The following FAM135B variants were observed in gnomAD, a reference collection of about 807,000 sequenced individuals.
The protein encoded by FAM135B is protein FAM135B.
Under a neutral mutation model 127.7 loss-of-function variants are expected in FAM135B, and 43 were observed. The observed-to-expected ratio is 0.34, with a 90% CI of 0.26 to 0.43. FAM135B has a LOEUF of 0.43. Ranked by LOEUF, FAM135B falls within the 20% of genes least tolerant of loss-of-function variation. The pLI, the probability that FAM135B is intolerant of heterozygous loss-of-function variation, is 1.00. For missense variants in FAM135B, 1,558 were observed against 1,725.6 expected (o/e 0.90, Z 1.72); for synonymous variants, 670 against 665.1 (o/e 1.01, Z -0.11).
At chr8:138,306,925 T>C (rs551987470) in intron 3 of FAM135B, among the ~76,000 whole-genome samples, 1 of 152,266 alleles carries the variant, frequency 6.6e-6, no homozygotes, top group East Asian at 1.9e-4. Flanking sequence ...GACACAGAGA[T>C]TAGCAAATGC....
chr8:138,221,553 A>G (rs752192939), intron 7 of FAM135B, among the ~76,000 whole-genome samples: 7 of 152,222 alleles, frequency 4.6e-5, no homozygotes, highest in Non-Finnish European at 8.8e-5. Context: ...TAGGTGGGCT[A>G]GAGTTCACAG....
chr8:138,495,917 G>A (rs1246118883), intron 1 of FAM135B, among the ~76,000 whole-genome samples: 1 of 152,178 alleles, frequency 6.6e-6, no homozygotes, highest in Non-Finnish European at 1.5e-5. Flanking sequence ...AGTGGCCAAG[G>A]AGCAAGGATT....
intron 12 of FAM135B, among the ~76,000 whole-genome samples, chr8:138,157,249 C>G (rs553260215): frequency 6.6e-6 from 1 of 152,170 alleles, no homozygotes; most frequent in African/African-American, 2.4e-5. Flanking sequence ...TTCAACAGCA[C>G]TTCATGCTAA....
intron 1 of FAM135B, among the ~76,000 whole-genome samples, chr8:138,445,234 G>A (rs1836060099): frequency 6.6e-6 from 1 of 152,178 alleles, no homozygotes. Context: ...ACAAGAAGGA[G>A]CTGGTACCAT....
At position 138,152,431 on chromosome 8, in the gene FAM135B, T is replaced by C. The variant is rs369394840; in HGVS notation, c.2044A>G (p.Ile682Val). The stretch of plus-strand genomic sequence containing the variant: ...CTCTCAATGCCTGAATCAGATATGA[T>C]GGATGAAGATCTCTTGATGACCCCG... Reference protein sequence around the residue: ...LSGVIKRSSSIISDSGIESEP... With the variant: ...LSGVIKRSSSVISDSGIESEP... The change falls in exon 13 of 20, where the codon ATC becomes GTC. Residue 682 changes from isoleucine to valine, a missense_variant. Around this residue, in one of 5 missense-constraint regions of FAM135B, gnomAD observed 923 missense variants for 865.3 expected, o/e 1.07. Coordinates refer to ENST00000395297, the MANE Select transcript of FAM135B (RefSeq NM_015912.4). 1.1e-3 allele frequency: 1,845 copies of C among 1,614,194 alleles called. 31 individuals carry two copies. In the South Asian group the frequency reaches 0.019, roughly 17 times the overall value.
intron 1 of FAM135B, among the ~76,000 whole-genome samples, chr8:138,427,100 AC>A (rs1834930997): frequency 6.6e-6 from 1 of 151,932 alleles, no homozygotes; most frequent in Admixed American, 6.6e-5. Context: ...AATAGTCAAA[AC>A]TAACCTATGG....
intron 1 of FAM135B, among the ~76,000 whole-genome samples, chr8:138,432,959 G>T (rs1441604494): frequency 6.6e-6 from 1 of 152,084 alleles, no homozygotes; most frequent in Non-Finnish European, 1.5e-5. Flanking sequence ...ATGGAACATT[G>T]TCCATCCAAA....
chr8:138,439,293 GA>G (rs1835632236), intron 1 of FAM135B: 2 of 152,150 alleles, frequency 1.3e-5, no homozygotes, highest in South Asian at 4.1e-4. Flanking sequence ...CAATATGAGA[GA>G]ATCATAGCAC....
At chr8:138,486,067 G>A (rs1814972608) in intron 1 of FAM135B, among the ~76,000 whole-genome samples, 3 of 151,948 alleles carry the variant, frequency 2.0e-5, no homozygotes, top group Admixed American at 2.0e-4. Flanking sequence ...AGTGAGTGGA[G>A]AGTAATGTGT....
In FAM135B at chr8:138,131,699, A is replaced by G. The variant is rs6983594; in HGVS notation, c.*894T>C. On this transcript the variant is annotated 3_prime_UTR_variant, in exon 20 of 20. Coordinates refer to ENST00000395297, the MANE Select transcript of FAM135B (RefSeq NM_015912.4). ...GGATTTAATTTTTTGCAATTGCATC[A>G]AATGCTAACATAGCATGTCTTTGGA... is the stretch of plus-strand genomic sequence containing the variant. 123,910 of 152,580 alleles carry G rather than the reference A, an allele frequency of 0.81. 50,637 individuals carry two copies. The highest frequency in any genetic ancestry group is 1 in the East Asian group (5,154 of 5,164). The allele number at this position is 152,580 out of a possible 1,614,324, so 9.5% of individuals were successfully genotyped here. A position where few individuals can be genotyped will look rare whatever the true frequency, so the allele number is the denominator to read the frequency against.
chr8:138,216,721 T>C (rs907188310), intron 7 of FAM135B, among the ~76,000 whole-genome samples: 5 of 152,212 alleles, frequency 3.3e-5, no homozygotes, highest in African/African-American at 9.6e-5. Flanking sequence ...GAGCCAGTGA[T>C]GGGTTGCTCA....
intron 3 of FAM135B, 93 bp downstream of exon 3, chr8:138,310,748 T>A: frequency 8.8e-7 from 1 of 1,139,068 alleles, no homozygotes; most frequent in South Asian, 1.5e-5. Flanking sequence ...TGAGTATGTC[T>A]ACATGCCTTG....
intron 7 of FAM135B, among the ~76,000 whole-genome samples, chr8:138,237,168 T>C (rs926124535): frequency 6.7e-6 from 1 of 148,174 alleles, no homozygotes; most frequent in African/African-American, 2.5e-5. Flanking sequence ...TTTTTTTTTT[T>C]TTTTTTGTTG....
At chr8:138,290,981 G>A (rs1012228919) in intron 3 of FAM135B, among the ~76,000 whole-genome samples, 5 of 152,154 alleles carry the variant, frequency 3.3e-5, no homozygotes, top group African/African-American at 1.2e-4. Flanking sequence ...ACTATGTCAT[G>A]CTGCCTGCCA....
intron 3 of FAM135B, among the ~76,000 whole-genome samples, chr8:138,267,097 A>G (rs1255930599): frequency 1.3e-5 from 2 of 152,168 alleles, no homozygotes; most frequent in Non-Finnish European, 2.9e-5. Flanking sequence ...TCTTTCACCA[A>G]TGTGATTATA....
chr8:138,151,640 G>T lies in FAM135B; in HGVS notation c.2835C>A (p.Ala945=), dbSNP rs143346792. Residue 945 remains alanine, a synonymous_variant, in exon 13 of 20, where the codon GCC becomes GCA. Coordinates refer to ENST00000395297, the MANE Select transcript of FAM135B (RefSeq NM_015912.4). ...GCTGGCCTGTTGAGTTCCTGTTGATGGCATCAGCAGCTGACGTACAGCTCA... is the reference window on the plus strand; with the variant it reads ...GCTGGCCTGTTGAGTTCCTGTTGATTGCATCAGCAGCTGACGTACAGCTCA... ...PELSCTSAAD[A]INRNSTGQQS... The T allele has an allele frequency of 6.1e-5, 99 of 1,614,142 alleles. No homozygotes were observed. In the African/African-American group the frequency reaches 1.2e-3, roughly 20 times the overall value.
At chr8:138,366,726 A>G (rs886752619) in intron 2 of FAM135B, among the ~76,000 whole-genome samples, 2 of 152,132 alleles carry the variant, frequency 1.3e-5, no homozygotes, top group Non-Finnish European at 2.9e-5. Context: ...TCTTTTCACA[A>G]CTGGAGTCTA....
intron 1 of FAM135B, among the ~76,000 whole-genome samples, chr8:138,400,597 G>A (rs1409843791): frequency 1.3e-5 from 2 of 152,126 alleles, no homozygotes; most frequent in Non-Finnish European, 2.9e-5. Flanking sequence ...AATCCCAAGT[G>A]TGGAAGGAGC....
intron 5 of FAM135B, among the ~76,000 whole-genome samples, chr8:138,255,603 T>C (rs1372714611): frequency 1.3e-5 from 2 of 152,156 alleles, no homozygotes; most frequent in Non-Finnish European, 2.9e-5. Flanking sequence ...AGTGTCTGTG[T>C]CCTTTTCCCA....
Sources: allele counts gnomAD v4.1 joint callset (sites outside exome capture counted in the v4.1 genomes callset), GRCh38; gene constraint gnomAD v4.1.1; regional missense constraint gnomAD v4.1.1; transcripts MANE v1.5; gene names NCBI Gene and HGNC (gene_info 2026-07-23, HGNC 2026-07-21).